Variants in MAOB observed in about 807,000 individuals in gnomAD.
MAOB encodes the protein monoamine oxidase B.
MAOB carries 15 observed loss-of-function variants against 41.9 expected under a neutral mutation model. That is an observed-to-expected ratio of 0.36 (90% CI 0.24 to 0.55). The LOEUF (loss-of-function observed/expected upper bound fraction) is 0.55. Among genes scored for constraint, MAOB ranks in the 20% least tolerant of loss-of-function variants. The probability of loss-of-function intolerance (pLI) is 0.86; values close to 1 mark genes in which losing one functional copy is unlikely to be tolerated. For missense variants in MAOB, 345 were observed against 398.7 expected (o/e 0.87, Z 1.15); for synonymous variants, 167 against 144.2 (o/e 1.16, Z -1.13).
chrX:43,855,861 G>A (rs1304944552), intron 1 of MAOB, among the ~76,000 whole-genome samples: 3 of 111,102 alleles, frequency 2.7e-5, no homozygotes, highest in Non-Finnish European at 5.7e-5. Flanking sequence ...CAAGCAGATG[G>A]CCTCTGTCCC....
chrX:43,844,025 G>T, intron 1 of MAOB: 1 of 626,175 alleles, frequency 1.6e-6, no homozygotes, highest in Non-Finnish European at 2.1e-6. Context: ...CTATTTTAAT[G>T]ACTAAATTGC....
intron 12 of MAOB, among the ~76,000 whole-genome samples, chrX:43,770,322 G>A (rs747653361): frequency 1.8e-5 from 2 of 111,310 alleles, no homozygotes; most frequent in Non-Finnish European, 3.8e-5. Flanking sequence ...CACTGGAACT[G>A]CACTGCAGCC....
chrX:43,815,234 C>T (rs1172516206), intron 3 of MAOB, among the ~76,000 whole-genome samples: 2 of 112,063 alleles, frequency 1.8e-5, no homozygotes, highest in African/African-American at 6.5e-5. Flanking sequence ...AACTTTCTCA[C>T]TCTTTCAATT....
intron 2 of MAOB, among the ~76,000 whole-genome samples, chrX:43,842,300 A>G (rs185964934): frequency 1.8e-5 from 2 of 112,467 alleles, no homozygotes; most frequent in African/African-American, 6.4e-5. Flanking sequence ...CAACAGGTTC[A>G]TGGAAAAAGT....
intron 3 of MAOB, among the ~76,000 whole-genome samples, chrX:43,827,031 T>C (rs2034957087): frequency 1.8e-5 from 2 of 111,570 alleles, no homozygotes; most frequent in South Asian, 7.5e-4. Context: ...TAAAAAATAA[T>C]AAAGCAGAGA....
intron 1 of MAOB, among the ~76,000 whole-genome samples, chrX:43,863,615 T>C (rs2035347411): frequency 1.8e-5 from 2 of 111,837 alleles, no homozygotes; most frequent in South Asian, 3.7e-4. Context: ...TTAGTCATGA[T>C]ACTACATGGG....
chrX:43,811,523 C>A (rs897001335), intron 3 of MAOB, among the ~76,000 whole-genome samples: 14 of 111,438 alleles, frequency 1.3e-4, no homozygotes, highest in Admixed American at 4.8e-4. Flanking sequence ...ATTTGAAGGA[C>A]CAAGCTTTCC....
At chrX:43,770,362 C>T (rs1316311732) in intron 12 of MAOB, among the ~76,000 whole-genome samples, 1 of 111,589 alleles carries the variant, frequency 9.0e-6, no homozygotes, top group Non-Finnish European at 1.9e-5. Flanking sequence ...CTCCTGCTTC[C>T]TTCTCCCTTC....
chrX:43,818,064 T>C (rs1183682265), intron 3 of MAOB, among the ~76,000 whole-genome samples: 1 of 112,159 alleles, frequency 8.9e-6, no homozygotes, highest in Non-Finnish European at 1.9e-5. Context: ...CCATGTTTAG[T>C]GGCCAGAAGA....
At chrX:43,848,505 C>A (rs2035226935) in intron 1 of MAOB, among the ~76,000 whole-genome samples, 1 of 108,762 alleles carries the variant, frequency 9.2e-6, no homozygotes, top group Non-Finnish European at 1.9e-5. Flanking sequence ...TCCCTTGGGA[C>A]TGTTTTTTTT....
At chrX:43,818,554 C>G (rs1161187152) in intron 3 of MAOB, among the ~76,000 whole-genome samples, 2 of 112,177 alleles carry the variant, frequency 1.8e-5, no homozygotes, top group Non-Finnish European at 3.8e-5. Flanking sequence ...CATCACCATT[C>G]TACTCTACTT....
chrX:43,841,815 A>T (rs886916424), intron 2 of MAOB, among the ~76,000 whole-genome samples: 5 of 112,164 alleles, frequency 4.5e-5, no homozygotes, highest in Non-Finnish European at 9.4e-5. Flanking sequence ...GGGAAAGGAC[A>T]GTCTATTCAA....
rs761592306 is a variant in MAOB, at chrX:43,778,499, C to A, written c.1137+183G>T. The stretch of plus-strand genomic sequence containing the variant: ...CAAGTTCCCTGACCTGCCACCAGCA[C>A]AGCCAGGGCCCACACTCTCTGGAAC... On this transcript the variant is annotated intron_variant, in intron 11 of 14. Coordinates refer to ENST00000378069, the MANE Select transcript of MAOB (RefSeq NM_000898.5). Among the ~76,000 whole-genome samples, 3 of 111,988 alleles carry A rather than the reference C, an allele frequency of 2.7e-5. No homozygotes were observed. In the South Asian group the frequency reaches 1.1e-3, roughly 42 times the overall value.
chrX:43,829,069 T>C (rs1248367508), intron 3 of MAOB, among the ~76,000 whole-genome samples: 2 of 112,012 alleles, frequency 1.8e-5, no homozygotes, highest in African/African-American at 6.5e-5. Context: ...TTCTCATGGT[T>C]TGCACATGAG....
At chrX:43,879,274 C>T (rs1391030982) in intron 1 of MAOB, among the ~76,000 whole-genome samples, 1 of 112,299 alleles carries the variant, frequency 8.9e-6, no homozygotes, top group Non-Finnish European at 1.9e-5. Context: ...TATGTATTAA[C>T]CAGCTATCCT....
intron 2 of MAOB, among the ~76,000 whole-genome samples, chrX:43,839,800 A>G (rs1303726933): frequency 8.9e-6 from 1 of 112,479 alleles, no homozygotes; most frequent in Non-Finnish European, 1.9e-5. Flanking sequence ...GTTTTTAAAA[A>G]TTCAGCACCT....
Position 43,767,571 on chromosome X carries a change from C to A in MAOB, c.1458G>T (p.Leu486Phe). 1 of 1,210,277 alleles carries A rather than the reference C, an allele frequency of 8.3e-7. No individual in the cohort carries two copies. Among genetic ancestry groups the A allele is most frequent in the Non-Finnish European group, 1.1e-6 (1 of 894,729 alleles). The change falls in exon 15 of 15, where the codon TTG becomes TTT. Residue 486 changes from leucine (L) to phenylalanine (F), a missense_variant. By Grantham distance (22) the Leu-to-Phe change is conservative. Coordinates refer to ENST00000378069, the MANE Select transcript of MAOB (RefSeq NM_000898.5). The part of the protein sequence containing the change: ...PITTTFLERH[L>F]PSVPGLLRLI... Reference sequence around the variant, plus strand: ...GCCTGAGCAGGCCTGGCACGGAGGGCAAATGTCTCTCCAAAAAGGTGGTGG... The same window carrying A: ...GCCTGAGCAGGCCTGGCACGGAGGGAAAATGTCTCTCCAAAAAGGTGGTGG...
intron 11 of MAOB, among the ~76,000 whole-genome samples, chrX:43,775,886 A>G (rs752193172): frequency 8.9e-6 from 1 of 112,865 alleles, no homozygotes; most frequent in South Asian, 3.6e-4. Context: ...AAGCTTTATC[A>G]TTAAGCATTA....
Position 43,881,738 on chromosome X carries a change from G to A in MAOB, c.46+516C>T, listed in dbSNP as rs112925001. On this transcript the variant is annotated intron_variant, in intron 1 of 14. Transcript: ENST00000378069. Reference sequence around the variant, plus strand: ...GACACTGCAGCCTCAAGTTAGATCCGTGACAATCACAGAACCTCAAAGAAT... The same window carrying A: ...GACACTGCAGCCTCAAGTTAGATCCATGACAATCACAGAACCTCAAAGAAT... Among the ~76,000 whole-genome samples the A allele has an allele frequency of 5.3e-3, 596 of 112,117 alleles. 8 individuals are homozygous for A. The highest frequency in any genetic ancestry group is 0.019 in the African/African-American group (574 of 30,818).
Sources: gnomAD v4.1 joint callset for allele counts (sites outside exome capture counted in the v4.1 genomes callset) on GRCh38, gnomAD v4.1.1 for gene constraint, MANE v1.5 for transcripts, NCBI Gene and HGNC (gene_info 2026-07-23, HGNC 2026-07-21) for gene names.